The following LHFPL2 variants were observed in gnomAD, a reference collection of about 807,000 sequenced individuals.
LHFPL2 encodes the protein LHFPL tetraspan subfamily member 2, also known as LHFPL tetraspan subfamily member 2 protein.
Under a neutral mutation model 17.5 loss-of-function variants are expected in LHFPL2, and 7 were observed. The observed-to-expected ratio is 0.40, with a 90% CI of 0.23 to 0.75. LHFPL2 has a LOEUF of 0.75. LHFPL2 is among the 30% of genes least tolerant of loss of function. The pLI, the probability that LHFPL2 is intolerant of heterozygous loss-of-function variation, is 0.37. For synonymous variants in LHFPL2, 134 were observed against 116.2 expected, an observed-to-expected ratio of 1.15 and a Z score of -0.99; for missense variants, 241 against 294.8, an observed-to-expected ratio of 0.82 and a Z score of 1.34.
chr5:78,505,322 T>C (rs1227207061), intron 4 of LHFPL2, among the ~76,000 whole-genome samples: 1 of 152,186 alleles, frequency 6.6e-6, no homozygotes, highest in African/African-American at 2.4e-5. Context: ...TGCCAAGTCC[T>C]TGGACAAGTT....
intron 3 of LHFPL2, among the ~76,000 whole-genome samples, chr5:78,518,782 T>C (rs893764210): frequency 6.6e-6 from 1 of 152,208 alleles, no homozygotes; most frequent in Non-Finnish European, 1.5e-5. Flanking sequence ...GTCTGAACTC[T>C]TGTACTTGTT....
intron 1 of LHFPL2, among the ~76,000 whole-genome samples, chr5:78,636,176 C>T (rs976813483): frequency 6.6e-6 from 1 of 152,204 alleles, no homozygotes; most frequent in Non-Finnish European, 1.5e-5. Flanking sequence ...GTGCCCCACA[C>T]TCCACCCTAT....
At chr5:78,582,386 A>C (rs1190251639) in intron 2 of LHFPL2, among the ~76,000 whole-genome samples, 1 of 149,162 alleles carries the variant, frequency 6.7e-6, no homozygotes, top group Non-Finnish European at 1.5e-5. Flanking sequence ...TTAGGGTGTC[A>C]ATTTTGGATC....
chr5:78,561,379 T>C lies in LHFPL2; in HGVS notation c.-186+3434A>G, dbSNP rs973211385. Among the ~76,000 whole-genome samples the C allele has an allele frequency of 6.3e-4, 96 of 152,290 alleles. No individual in the cohort carries two copies. In the Middle Eastern group the frequency reaches 0.01, roughly 16 times the overall value. On this transcript the variant is annotated intron_variant, in intron 3 of 4. Coordinates refer to ENST00000380345, the MANE Select transcript of LHFPL2 (RefSeq NM_005779.3). ...ACGGGGAGACTACCGTATCGGATGG[T>C]GCAGGTATAGCGCTTTCACTTTGCC...
At chr5:78,604,296 G>A (rs1357612898) in intron 2 of LHFPL2, among the ~76,000 whole-genome samples, 1 of 143,524 alleles carries the variant, frequency 7.0e-6, no homozygotes, top group East Asian at 2.1e-4. Context: ...TGGCCAACAT[G>A]GCGAAACCCC....
intron 1 of LHFPL2, chr5:78,642,051 AT>A: frequency 2.0e-5 from 3 of 152,156 alleles, no homozygotes; most frequent in Admixed American, 2.0e-4. Context: ...GTGCCAGGAG[AT>A]TTGGTTCCTG....
At chr5:78,604,395 T>G (rs901282852) in intron 2 of LHFPL2, among the ~76,000 whole-genome samples, 8 of 152,168 alleles carry the variant, frequency 5.3e-5, no homozygotes, top group Non-Finnish European at 8.8e-5. Context: ...GAGAATGGCT[T>G]GAACCCGGGA....
intron 2 of LHFPL2, among the ~76,000 whole-genome samples, chr5:78,606,546 C>T (rs1744217327): frequency 1.3e-5 from 2 of 152,192 alleles, no homozygotes. Flanking sequence ...CCATACAACT[C>T]TCCATGATCA....
intron 4 of LHFPL2, among the ~76,000 whole-genome samples, chr5:78,500,217 CA>C (rs1754732698): frequency 6.6e-6 from 1 of 152,174 alleles, no homozygotes; most frequent in Non-Finnish European, 1.5e-5. Flanking sequence ...ATCTCAGTCC[CA>C]AATCTCTCCT....
At chr5:78,576,558 T>A (rs1757142582) in intron 2 of LHFPL2, among the ~76,000 whole-genome samples, 1 of 152,190 alleles carries the variant, frequency 6.6e-6, no homozygotes. Flanking sequence ...TTTGCCACTA[T>A]GCTGTAGGCG....
rs566060599 is a variant in LHFPL2 at position 78,585,851 on chromosome 5, T to C, written c.-244-20980A>G. On this transcript the variant is annotated intron_variant, in intron 2 of 4. Transcript: ENST00000380345. ...ACAGATGGGGAGACTGGGTTGGGGT[T>C]GGGGTTGGGGATGGGATGCATAAAG... Among the ~76,000 whole-genome samples the C allele has an allele frequency of 1.1e-4, 16 of 152,100 alleles. No homozygotes were observed. In the East Asian group the frequency reaches 1.7e-3, roughly 17 times the overall value.
intron 3 of LHFPL2, among the ~76,000 whole-genome samples, chr5:78,517,049 A>G (rs1380534019): frequency 6.6e-6 from 1 of 152,166 alleles, no homozygotes; most frequent in African/African-American, 2.4e-5. Flanking sequence ...CTGGTCACTC[A>G]GGAGGTACTC....
chr5:78,565,101 G>T (rs564627333), intron 2 of LHFPL2, among the ~76,000 whole-genome samples: 1 of 152,284 alleles, frequency 6.6e-6, no homozygotes, highest in East Asian at 1.9e-4. Flanking sequence ...GGCCAGGGGG[G>T]AATGTCCAGC....
intron 2 of LHFPL2, among the ~76,000 whole-genome samples, chr5:78,632,041 A>G (rs1379519386): frequency 6.6e-6 from 1 of 152,222 alleles, no homozygotes; most frequent in East Asian, 1.9e-4. Flanking sequence ...AAGGGTGTTG[A>G]AACAAAGGAA....
intron 3 of LHFPL2, among the ~76,000 whole-genome samples, chr5:78,532,009 C>G (rs1755798787): frequency 6.6e-6 from 1 of 151,934 alleles, no homozygotes; most frequent in African/African-American, 2.4e-5. Flanking sequence ...ACTGCAACCT[C>G]CACCTCTCAG....
In LHFPL2 at chr5:78,487,046, T is replaced by TC. The variant is rs1754270943; in HGVS notation, c.*1850dup. 6.6e-6 allele frequency: 1 copy of TC among 152,202 alleles called. No homozygotes were observed. The highest frequency in any genetic ancestry group is 1.5e-5 in the Non-Finnish European group (1 of 68,032). The allele number at this position is 152,202 out of a possible 1,614,324, so 9.4% of individuals were successfully genotyped here. A position where few individuals can be genotyped will look rare whatever the true frequency, so the allele number is the denominator to read the frequency against. The stretch of plus-strand genomic sequence containing the variant: ...TGGTGTTAGAGATATGGTTAAGGTT[T>TC]CCTAGGCTGCTATGAAGATACCCGT... On this transcript the variant is annotated 3_prime_UTR_variant, in exon 5 of 5. Transcript: ENST00000380345.
intron 3 of LHFPL2, among the ~76,000 whole-genome samples, chr5:78,561,681 T>C (rs1756731642): frequency 6.6e-6 from 1 of 152,214 alleles, no homozygotes; most frequent in Admixed American, 6.5e-5. Context: ...TCCTAGTGAA[T>C]TTACGAGCAT....
intron 1 of LHFPL2, chr5:78,644,194 T>A: frequency 1.7e-6 from 1 of 586,740 alleles, no homozygotes. Context: ...TCAATTTCTT[T>A]AAAAGAAGTG....
chr5:78,570,289 T>A (rs1461046159), intron 2 of LHFPL2, among the ~76,000 whole-genome samples: 1 of 152,118 alleles, frequency 6.6e-6, no homozygotes, highest in Non-Finnish European at 1.5e-5. Context: ...AATACTGGGT[T>A]AACGAGAGTG....
Sources: gnomAD v4.1 joint callset for allele counts (sites outside exome capture counted in the v4.1 genomes callset) on GRCh38, gnomAD v4.1.1 for gene constraint, MANE v1.5 for transcripts, NCBI Gene and HGNC (gene_info 2026-07-23, HGNC 2026-07-21) for gene names.